COL12A1: variants seen among roughly 807,000 people sequenced by gnomAD.
COL12A1 encodes the protein collagen alpha-1(XII) chain.
COL12A1 carries 114 observed loss-of-function variants against 349.7 expected under a neutral mutation model. The observed-to-expected ratio is 0.33, with a 90% CI of 0.28 to 0.38. The LOEUF is 0.38. Among genes scored for constraint, COL12A1 ranks in the 10% least tolerant of loss-of-function variants. The pLI is 1.00. For synonymous variants in COL12A1, 1,369 were observed against 1,329.0 expected (o/e 1.03, Z -0.66); for missense variants, 3,284 against 3,756.9 (o/e 0.87, Z 3.29).
intron 13 of COL12A1, among the ~76,000 whole-genome samples, chr6:75,171,740 C>G (rs115809645): frequency 1.5e-3 from 230 of 152,246 alleles, no homozygotes; most frequent in African/African-American, 5.4e-3. Flanking sequence ...ATATCCTATT[C>G]CTGTATATGG....
Position 75,097,280 on chromosome 6 carries a change from C to T in COL12A1, c.8550G>A (p.Met2850Ile). The change falls in exon 59 of 66, where the codon ATG (methionine) becomes ATA (isoleucine). Residue 2850 changes from methionine to isoleucine, a missense_variant. Met to Ile is a conservative substitution (Grantham distance 10). Transcript: ENST00000322507. ...DRGFTGKDGA[M>I]GPRGPPGPPG... ...GCGGCCCTGGTGGGCCCCTGGGTCC[C>T]ATTGCACCGTCTTTTCCAGTGAAGC... The T allele has an allele frequency of 6.2e-7, 1 of 1,613,876 alleles. No individual in the cohort carries two copies. Among genetic ancestry groups the T allele is most frequent in the Non-Finnish European group, 8.5e-7 (1 of 1,179,836 alleles).
At chr6:75,106,009 T>C (rs969760746) in intron 53 of COL12A1, among the ~76,000 whole-genome samples, 1 of 152,174 alleles carries the variant, frequency 6.6e-6, no homozygotes, top group African/African-American at 2.4e-5. Flanking sequence ...ACCACCTACA[T>C]AGATACTATT....
intron 52 of COL12A1, among the ~76,000 whole-genome samples, chr6:75,108,100 G>C (rs1217598755): frequency 6.6e-6 from 1 of 150,498 alleles, no homozygotes; most frequent in African/African-American, 2.5e-5. Context: ...GATTGATTGA[G>C]ACAGGGTCTC....
intron 2 of COL12A1, among the ~76,000 whole-genome samples, chr6:75,198,044 G>A (rs985493709): frequency 1.3e-5 from 2 of 152,104 alleles, no homozygotes; most frequent in African/African-American, 4.8e-5. Context: ...AGATAAATCA[G>A]TGAAATTCAG....
In COL12A1 at chr6:75,198,002, C is replaced by T. The variant is rs1479099183; in HGVS notation, c.74-3055G>A. ...GTTGCTGCTTTTTTCCTTATAAGAA[C>T]CCAATGATGGGCCTTATTATCCCTG... On this transcript the variant is annotated intron_variant, in intron 2 of 65. Transcript: ENST00000322507. Among the ~76,000 whole-genome samples the T allele has an allele frequency of 3.9e-5, 6 of 152,182 alleles. No individual in the cohort carries two copies. The East Asian group carries it at 1.2e-3, about 29-fold the overall frequency.
Position 75,132,019 on chromosome 6 carries a change from C to T in COL12A1, c.5858G>A (p.Arg1953His), listed in dbSNP as rs367908043. The part of the protein sequence containing the change: ...YNPTPNSLDV[R>H]WDPAPGPVLQ... ...CACAGGTCCTGGAGCAGGGTCCCAG[C>T]GAACATCGAGGCTGTTAGGTGTAGG... Residue 1953 changes from arginine (R) to histidine (H), a missense_variant, in exon 35 of 66, where the codon CGC becomes CAC. Transcript: ENST00000322507. 1.2e-5 allele frequency: 20 copies of T among 1,613,980 alleles called. No individual in the cohort carries two copies. Among genetic ancestry groups the T allele is most frequent in the Non-Finnish European group, 1.4e-5 (16 of 1,179,986 alleles).
intron 38 of COL12A1, 89 bp from the exon 39 acceptor site, chr6:75,126,559 A>G (rs956729307): frequency 1.3e-5 from 18 of 1,380,852 alleles, no homozygotes; most frequent in East Asian, 7.4e-5. Context: ...GGAAAGCCCA[A>G]TGGGAGCAAT....
chr6:75,169,983 A>C (rs1243132866), intron 13 of COL12A1, among the ~76,000 whole-genome samples: 1 of 152,206 alleles, frequency 6.6e-6, no homozygotes, highest in Non-Finnish European at 1.5e-5. Context: ...TGCTGTGGGA[A>C]GTAATTCAGA....
rs770613686 is a variant in COL12A1 at position 75,113,721 on chromosome 6, G to C, written c.7721C>G (p.Pro2574Arg). 2.5e-6 allele frequency: 4 copies of C among 1,595,462 alleles called. No homozygotes were observed. In the Admixed American group the frequency reaches 6.7e-5, roughly 27 times the overall value. The stretch of plus-strand genomic sequence containing the variant: ...TAATAATATAATCGTGTATGAAGGA[G>C]GGAGTCCATTTGGGTGTAGGTCTCT... ...PTADLHPNGL[P>R]PSYTIILLFR... The change falls in exon 50 of 66, where the codon CCT becomes CGT. Residue 2574 changes from proline (P) to arginine (R), a missense_variant. Pro to Arg is a moderately radical substitution (Grantham distance 103, BLOSUM62 -2). This residue lies in a region of COL12A1 where 683 missense variants were observed against 932.1 expected (regional missense o/e 0.73). Coordinates refer to ENST00000322507, the MANE Select transcript of COL12A1 (RefSeq NM_004370.6).
At chr6:75,164,519 T>A (rs1186495736) in intron 14 of COL12A1, among the ~76,000 whole-genome samples, 2 of 152,344 alleles carry the variant, frequency 1.3e-5, no homozygotes, top group East Asian at 1.9e-4. Context: ...GAAATGCCCA[T>A]GCTTAACAAA....
chr6:75,135,566 C>T (rs571282694), intron 31 of COL12A1, among the ~76,000 whole-genome samples: 5 of 152,106 alleles, frequency 3.3e-5, no homozygotes, highest in African/African-American at 4.8e-5. Context: ...AACAGTCTAC[C>T]GAATTCAGAT....
chr6:75,150,938 CA>C (rs1400768097), intron 21 of COL12A1, among the ~76,000 whole-genome samples: 1 of 152,038 alleles, frequency 6.6e-6, no homozygotes, highest in Non-Finnish European at 1.5e-5. Context: ...TTTTTTTCTG[CA>C]GCAGACATTT....
chr6:75,184,210 G>A, intron 8 of COL12A1, 66 bp from the exon 9 acceptor site: 1 of 1,486,400 alleles, frequency 6.7e-7, no homozygotes, highest in East Asian at 2.3e-5. Flanking sequence ...TTGGTCTTTA[G>A]GTTTGGACCT....
chr6:75,175,121 C>G lies in COL12A1; in HGVS notation c.2627G>C (p.Gly876Ala). The change falls in exon 13 of 66, where the codon GGG (glycine) becomes GCG (alanine). Residue 876 changes from glycine (G) to alanine (A), a missense_variant. Physicochemically the swap from Gly to Ala is moderately conservative, Grantham distance 60. Coordinates refer to ENST00000322507, the MANE Select transcript of COL12A1 (RefSeq NM_004370.6). ...TGTCACAGATAAGGCGTATTGTGTCCCTTCCTTCAATCCCTGCAGCACCGT... is the reference window on the plus strand; with the variant it reads ...TGTCACAGATAAGGCGTATTGTGTCGCTTCCTTCAATCCCTGCAGCACCGT... ...TNTVLQGLKE[G>A]TQYALSVTAL... is the part of the protein sequence containing the mutation. 1 of 1,614,124 alleles carries G rather than the reference C, an allele frequency of 6.2e-7. No individual in the cohort carries two copies.
intron 39 of COL12A1, among the ~76,000 whole-genome samples, chr6:75,125,907 A>C (rs1457650194): frequency 6.6e-6 from 1 of 152,180 alleles, no homozygotes; most frequent in Non-Finnish European, 1.5e-5. Flanking sequence ...AATTTAATCA[A>C]GGTGATACTA....
At chr6:75,087,898 T>C in intron 64 of COL12A1, 151 bp from the exon 65 acceptor site, 1 of 804,690 alleles carries the variant, frequency 1.2e-6, no homozygotes. Flanking sequence ...AAATACCCAA[T>C]ATGAACCAAG....
rs752240742 is a variant in COL12A1 at position 75,152,190 on chromosome 6, T to C, written c.3776A>G (p.Lys1259Arg). The C allele has an allele frequency of 1.2e-6, 2 of 1,613,842 alleles. No individual in the cohort carries two copies. Among genetic ancestry groups the C allele is most frequent in the East Asian group, 2.2e-5 (1 of 44,858 alleles). ...TGCCACAGCTTGCAACAAGCTCTTC[T>C]TGTCTCTGTGTGCATTTAACTGCCA... Reference protein sequence around the residue: ...TEWQLNAHRDKKSLLQAVANL... With the variant: ...TEWQLNAHRDRKSLLQAVANL... Residue 1259 changes from lysine to arginine, a missense_variant, in exon 19 of 66, where the codon AAG becomes AGG. Transcript: ENST00000322507.
intron 10 of COL12A1, among the ~76,000 whole-genome samples, chr6:75,182,728 A>T (rs1474031415): frequency 6.6e-6 from 1 of 152,208 alleles, no homozygotes; most frequent in Non-Finnish European, 1.5e-5. Context: ...CACATAGTGA[A>T]CACCCCATAC....
intron 65 of COL12A1, 148 bp downstream of exon 65, chr6:75,087,429 C>A: frequency 1.4e-6 from 1 of 707,530 alleles, no homozygotes; most frequent in Non-Finnish European, 2.3e-6. Context: ...GCTATGATAG[C>A]AAACACTATT....
Sources: allele counts gnomAD v4.1 joint callset (sites outside exome capture counted in the v4.1 genomes callset), GRCh38; gene constraint gnomAD v4.1.1; regional missense constraint gnomAD v4.1.1; transcripts MANE v1.5; gene names NCBI Gene and HGNC (gene_info 2026-07-23, HGNC 2026-07-21).